Variants in GRM7 observed in about 807,000 individuals in gnomAD.
The protein encoded by GRM7 is glutamate metabotropic receptor 7, also known as metabotropic glutamate receptor 7.
Under a neutral mutation model 84.5 loss-of-function variants are expected in GRM7, and 35 were observed. The ratio of observed to expected loss-of-function variants is 0.41; its 90% CI spans 0.32 to 0.55. The LOEUF (loss-of-function observed/expected upper bound fraction) is 0.55. GRM7 is among the 20% of genes least tolerant of loss of function. The pLI, the probability that GRM7 is intolerant of heterozygous loss-of-function variation, is 0.19. For synonymous variants in GRM7, 487 were observed against 455.1 expected, an observed-to-expected ratio of 1.07 and a Z score of -0.89; for missense variants, 1,003 against 1,194.6, an observed-to-expected ratio of 0.84 and a Z score of 2.36.
intron 9 of GRM7, 117 bp from the exon 10 acceptor site, chr3:7,740,240 T>C: frequency 3.0e-6 from 2 of 664,314 alleles, no homozygotes; most frequent in African/African-American, 1.9e-5. Flanking sequence ...GTGTGTGTTC[T>C]TCAGAGCTGT....
chr3:6,973,262 A>C (rs112548591), intron 1 of GRM7, among the ~76,000 whole-genome samples: 1 of 152,040 alleles, frequency 6.6e-6, no homozygotes, highest in Non-Finnish European at 1.5e-5. Context: ...GCACTCAATC[A>C]TTCATTCATT....
intron 2 of GRM7, among the ~76,000 whole-genome samples, chr3:7,266,754 T>G (rs1698656731): frequency 1.3e-5 from 2 of 152,218 alleles, no homozygotes; most frequent in Non-Finnish European, 2.9e-5. Context: ...AAATTTTGAG[T>G]TGCTGAATGT....
intron 1 of GRM7, among the ~76,000 whole-genome samples, chr3:6,900,856 A>C (rs1309078688): frequency 6.6e-6 from 1 of 152,200 alleles, no homozygotes; most frequent in African/African-American, 2.4e-5. Context: ...ACCACGACCT[A>C]GCCCTGCAAG....
At chr3:7,547,607 T>C (rs1693227813) in intron 7 of GRM7, among the ~76,000 whole-genome samples, 2 of 152,262 alleles carry the variant, frequency 1.3e-5, no homozygotes, top group Middle Eastern at 3.4e-3. Context: ...CAACACCTTA[T>C]CAATTAAATC....
chr3:7,388,810 A>T (rs1172762721), intron 4 of GRM7, among the ~76,000 whole-genome samples: 3 of 151,980 alleles, frequency 2.0e-5, no homozygotes, highest in Non-Finnish European at 4.4e-5. Context: ...TCAGGCTATC[A>T]ATCTTGTTTA....
chr3:7,632,866 TA>T (rs1458958378), intron 8 of GRM7, among the ~76,000 whole-genome samples: 1 of 152,234 alleles, frequency 6.6e-6, no homozygotes, highest in East Asian at 1.9e-4. Flanking sequence ...AGTGCATCTT[TA>T]AAAAGTAGTC....
intron 8 of GRM7, among the ~76,000 whole-genome samples, chr3:7,604,264 T>A (rs912307133): frequency 6.6e-6 from 1 of 152,160 alleles, no homozygotes; most frequent in Non-Finnish European, 1.5e-5. Flanking sequence ...ATAAGACTGG[T>A]CTTAGGCCTA....
At chr3:7,522,208 C>T (rs1700622538) in intron 7 of GRM7, among the ~76,000 whole-genome samples, 1 of 152,114 alleles carries the variant, frequency 6.6e-6, no homozygotes, top group South Asian at 2.1e-4. Flanking sequence ...CTGGACCTTG[C>T]CTTTCTAAAT....
At position 7,631,116 on chromosome 3, in the gene GRM7, TG is replaced by T. The variant is rs1270138967; in HGVS notation, c.2452-48929del. Among the ~76,000 whole-genome samples the T allele has an allele frequency of 1.6e-4, 25 of 152,282 alleles. No homozygotes were observed. The East Asian group carries it at 4.3e-3, about 26-fold the overall frequency. ...CAAAGAACATTTGTCATTTCAGCTGTGGGGACCAGACAGCAGGAGTACAATC... is the reference window on the plus strand; with the variant it reads ...CAAAGAACATTTGTCATTTCAGCTGTGGGACCAGACAGCAGGAGTACAATC... On this transcript the variant is annotated intron_variant, in intron 8 of 9. Transcript: ENST00000357716.
chr3:7,244,750 C>T (rs1431269786), intron 2 of GRM7, among the ~76,000 whole-genome samples: 1 of 152,004 alleles, frequency 6.6e-6, no homozygotes, highest in Non-Finnish European at 1.5e-5. Context: ...ATGTACCATT[C>T]ATAATTTCCA....
chr3:7,626,347 C>T (rs923761514), intron 8 of GRM7, among the ~76,000 whole-genome samples: 7 of 152,344 alleles, frequency 4.6e-5, no homozygotes, highest in Middle Eastern at 6.8e-3. Context: ...TACTCAGTCA[C>T]AGGCTGGACG....
intron 9 of GRM7, among the ~76,000 whole-genome samples, chr3:7,698,480 T>A (rs1701106558): frequency 6.6e-6 from 1 of 152,222 alleles, no homozygotes; most frequent in South Asian, 2.1e-4. Flanking sequence ...ACACAGCTGA[T>A]AAGTAGAGGA....
intron 1 of GRM7, among the ~76,000 whole-genome samples, chr3:7,052,720 G>GTTTTTTTTTTTTTTTTT (rs372132445): frequency 5.9e-5 from 6 of 101,528 alleles, no homozygotes; most frequent in East Asian, 2.9e-4. Flanking sequence ...AGTATCGGTA[G>GTTTTTTTTTTTTTTTTT]TTTTTTTTTT....
At chr3:7,667,205 C>T (rs1156309818) in intron 8 of GRM7, among the ~76,000 whole-genome samples, 1 of 149,980 alleles carries the variant, frequency 6.7e-6, no homozygotes, top group African/African-American at 2.5e-5. Context: ...AAGTTCAAGA[C>T]TGAAGTGATC....
chr3:7,037,381 T>TA (rs1263459717), intron 1 of GRM7, among the ~76,000 whole-genome samples: 1 of 152,220 alleles, frequency 6.6e-6, no homozygotes, highest in African/African-American at 2.4e-5. Flanking sequence ...CTGTATCACT[T>TA]ACTAGCAGTA....
chr3:7,569,585 G>A (rs915899838), intron 7 of GRM7, among the ~76,000 whole-genome samples: 15 of 152,084 alleles, frequency 9.9e-5, no homozygotes, highest in East Asian at 1.9e-4. Flanking sequence ...CTTCCACGCC[G>A]TGGAAGCTTT....
chr3:7,672,907 T>G (rs1460442816), intron 8 of GRM7, among the ~76,000 whole-genome samples: 1 of 152,182 alleles, frequency 6.6e-6, no homozygotes, highest in African/African-American at 2.4e-5. Flanking sequence ...GAATATACTT[T>G]CAAACAAAAT....
chr3:7,621,196 G>T (rs73021822), intron 8 of GRM7, among the ~76,000 whole-genome samples: 2,990 of 152,176 alleles, frequency 0.02, 45 homozygotes, highest in South Asian at 0.035. Flanking sequence ...AATGACATTT[G>T]TTTGAAATGA....
At chr3:6,951,005 G>A (rs1002734349) in intron 1 of GRM7, among the ~76,000 whole-genome samples, 26 of 152,158 alleles carry the variant, frequency 1.7e-4, no homozygotes, top group African/African-American at 3.4e-4. Flanking sequence ...TGCGCTTCCC[G>A]GGTGAGGTGA....
Sources: allele counts gnomAD v4.1 joint callset (sites outside exome capture counted in the v4.1 genomes callset), GRCh38; gene constraint gnomAD v4.1.1; transcripts MANE v1.5; gene names NCBI Gene and HGNC (gene_info 2026-07-23, HGNC 2026-07-21).